Variants in DPH6 observed in about 807,000 individuals in gnomAD.
DPH6 encodes diphthine--ammonia ligase.
DPH6 carries 33 observed loss-of-function variants against 38.2 expected under a neutral mutation model. That is an observed-to-expected ratio of 0.86 (90% confidence interval 0.65 to 1.15). The LOEUF (loss-of-function observed/expected upper bound fraction) is 1.15. DPH6 is among the 50% of genes most tolerant of loss of function. The pLI is 0.00. For synonymous variants in DPH6, 108 were observed against 103.0 expected (o/e 1.05, Z -0.30); for missense variants, 325 against 320.0 (o/e 1.02, Z -0.12).
chr15:35,381,582 T>G (rs1400502191), intron 7 of DPH6, among the ~76,000 whole-genome samples: 1 of 152,176 alleles, frequency 6.6e-6, no homozygotes, highest in East Asian at 1.9e-4. Flanking sequence ...CAGGCCATAA[T>G]CAGCAAGTAA....
At chr15:35,319,681 T>C (rs1031513414) in intron 3 of DPH6, among the ~76,000 whole-genome samples, 2 of 152,124 alleles carry the variant, frequency 1.3e-5, no homozygotes, top group African/African-American at 4.8e-5. Flanking sequence ...GTGGATGTTG[T>C]AGTGAGCCAA....
At chr15:35,353,561 G>A (rs1164546041) in intron 3 of DPH6, among the ~76,000 whole-genome samples, 1 of 152,082 alleles carries the variant, frequency 6.6e-6, no homozygotes, top group South Asian at 2.1e-4. Context: ...TCTTGTTTTT[G>A]TCAGATTTGT....
chr15:35,304,057 C>T (rs2052071882), intron 3 of DPH6, among the ~76,000 whole-genome samples: 1 of 151,986 alleles, frequency 6.6e-6, no homozygotes, highest in African/African-American at 2.4e-5. Context: ...TATAGTCTTT[C>T]TTATATAAAT....
At chr15:35,201,231 C>T in the DPH6 span, among the ~76,000 whole-genome samples, 233 of 151,226 alleles carry the variant, frequency 1.5e-3, 1 homozygote, top group African/African-American at 5.2e-3. Flanking sequence ...CTTATATTAT[C>T]CTTCACCAGA....
At chr15:35,279,995 T>C (rs1193763447) in intron 3 of DPH6, among the ~76,000 whole-genome samples, 1 of 152,136 alleles carries the variant, frequency 6.6e-6, no homozygotes, top group Non-Finnish European at 1.5e-5. Flanking sequence ...GGAAAGGCCA[T>C]ATGAGGACAC....
intron 3 of DPH6, among the ~76,000 whole-genome samples, chr15:35,253,604 C>T (rs759744025): frequency 1.3e-5 from 2 of 152,164 alleles, no homozygotes; most frequent in African/African-American, 2.4e-5. Context: ...CTAAGTAATA[C>T]GCTAGTCACT....
the DPH6 span, among the ~76,000 whole-genome samples, chr15:35,196,116 G>A: frequency 2.0e-5 from 3 of 152,108 alleles, no homozygotes; most frequent in South Asian, 2.1e-4. Flanking sequence ...GGGATCCACT[G>A]GAAAAAGGCA....
At chr15:35,288,713 T>A (rs1033754485) in intron 3 of DPH6, among the ~76,000 whole-genome samples, 1 of 152,168 alleles carries the variant, frequency 6.6e-6, no homozygotes, top group South Asian at 2.1e-4. Flanking sequence ...ACAAATCCCA[T>A]CATCCTGCAT....
At chr15:35,214,802 T>C (rs868626707), downstream of DPH6, among the ~76,000 whole-genome samples, 2 of 152,170 alleles carry the variant, frequency 1.3e-5, no homozygotes, top group Middle Eastern at 3.2e-3. Context: ...GAGATGGGGT[T>C]TCACCATGTT....
At chr15:35,465,347 G>T (rs1238710160) in intron 3 of DPH6, among the ~76,000 whole-genome samples, 1 of 152,148 alleles carries the variant, frequency 6.6e-6, no homozygotes, top group Non-Finnish European at 1.5e-5. Flanking sequence ...TTGCATTATA[G>T]CTCTGAGTGG....
At chr15:35,478,602 C>A (rs972496812) in intron 3 of DPH6, among the ~76,000 whole-genome samples, 4 of 151,922 alleles carry the variant, frequency 2.6e-5, no homozygotes, top group Non-Finnish European at 5.9e-5. Context: ...CTGCACAGTT[C>A]TACCTAGGGC....
chr15:35,158,546 T>C, the DPH6 span, among the ~76,000 whole-genome samples: 1 of 152,074 alleles, frequency 6.6e-6, no homozygotes, highest in Non-Finnish European at 1.5e-5. Context: ...TATGCTGTTA[T>C]ATATTATATA....
chr15:35,514,172 ATGTAAATAAAAT>A (rs2054814439), intron 3 of DPH6, among the ~76,000 whole-genome samples: 1 of 121,218 alleles, frequency 8.2e-6, no homozygotes, highest in South Asian at 2.5e-4. Flanking sequence ...CCTTATAACT[ATGTAAATAAAAT>A]CTTACAACTA....
chr15:35,318,021 G>C (rs2052208379), intron 3 of DPH6, among the ~76,000 whole-genome samples: 1 of 151,940 alleles, frequency 6.6e-6, no homozygotes, highest in Admixed American at 6.6e-5. Context: ...TAACAGGAGA[G>C]AGGCAGAAAA....
intron 3 of DPH6, among the ~76,000 whole-genome samples, chr15:35,464,048 C>T (rs1333339817): frequency 6.6e-6 from 1 of 152,180 alleles, no homozygotes; most frequent in East Asian, 1.9e-4. Flanking sequence ...GTAATCTCAG[C>T]ACTTTGGGAG....
Position 35,333,232 on chromosome 15 carries a change from G to A in DPH6, n.208-2155C>T, listed in dbSNP as rs116291804. Among the ~76,000 whole-genome samples the A allele has an allele frequency of 3.1e-3, 471 of 152,296 alleles. 2 individuals are homozygous for A. The highest frequency in any genetic ancestry group is 0.01 in the African/African-American group (435 of 41,582). On this transcript the variant is annotated intron_variant and non_coding_transcript_variant, in intron 3 of 3. Transcript: ENST00000558973. ...TGGCAAACAGATTGATATTGGTGAT[G>A]CAATGTGGCCAATGACCACGTAAAA...
the DPH6 span, among the ~76,000 whole-genome samples, chr15:35,154,851 C>T: frequency 2.0e-3 from 299 of 152,270 alleles, 2 homozygotes; most frequent in Admixed American, 0.012. Context: ...AGAAATATCA[C>T]AGCCTGTAGA....
At chr15:35,300,791 A>G (rs2052049347) in intron 3 of DPH6, among the ~76,000 whole-genome samples, 1 of 152,162 alleles carries the variant, frequency 6.6e-6, no homozygotes, top group Non-Finnish European at 1.5e-5. Context: ...AGAACTAAAG[A>G]ATCCCCCTTG....
downstream of DPH6, among the ~76,000 whole-genome samples, chr15:35,213,851 G>A (rs11854638): frequency 0.079 from 11,955 of 152,238 alleles, 526 homozygotes; most frequent in Middle Eastern, 0.13. Context: ...GGTGGCTCAC[G>A]CCTGTAATCC....
Sources: gnomAD v4.1 joint callset for allele counts (sites outside exome capture counted in the v4.1 genomes callset) on GRCh38, gnomAD v4.1.1 for gene constraint, MANE v1.5 for transcripts, NCBI Gene and HGNC (gene_info 2026-07-23, HGNC 2026-07-21) for gene names.